Variants in PABPC4L observed in about 807,000 individuals in gnomAD.
PABPC4L encodes the protein poly(A) binding protein cytoplasmic 4 like, also known as polyadenylate-binding protein 4-like.
For missense variants in PABPC4L, 452 were observed against 451.4 expected (o/e 1.00, Z -0.01); for synonymous variants, 169 against 164.1 (o/e 1.03, Z -0.23).
the PABPC4L span, among the ~76,000 whole-genome samples, chr4:134,017,175 G>T: frequency 1.3e-5 from 2 of 152,124 alleles, no homozygotes; most frequent in African/African-American, 4.8e-5. Context: ...TCAGTCTTCA[G>T]GAAAGATAGA....
the PABPC4L span, among the ~76,000 whole-genome samples, chr4:134,056,422 T>G: frequency 6.6e-6 from 1 of 151,944 alleles, no homozygotes; most frequent in Non-Finnish European, 1.5e-5. Flanking sequence ...TATATCAATT[T>G]GAAGACAGTT....
chr4:134,116,857 A>C, the PABPC4L span, among the ~76,000 whole-genome samples: 1 of 151,810 alleles, frequency 6.6e-6, no homozygotes, highest in Non-Finnish European at 1.5e-5. Context: ...ATATAAACTT[A>C]TTTGGCAATC....
At chr4:134,057,993 T>C in the PABPC4L span, among the ~76,000 whole-genome samples, 1 of 151,990 alleles carries the variant, frequency 6.6e-6, no homozygotes, top group Non-Finnish European at 1.5e-5. Flanking sequence ...ATAATCACAA[T>C]CAAATTGTGA....
the PABPC4L span, among the ~76,000 whole-genome samples, chr4:134,166,524 T>G: frequency 6.6e-6 from 1 of 152,254 alleles, no homozygotes; most frequent in Non-Finnish European, 1.5e-5. Context: ...ATGCTCTGCC[T>G]TGGGCACCAT....
chr4:133,967,089 A>G, the PABPC4L span, among the ~76,000 whole-genome samples: 2 of 151,464 alleles, frequency 1.3e-5, no homozygotes, highest in Admixed American at 6.6e-5. Flanking sequence ...GTAAATGGTA[A>G]TGATATTTGA....
chr4:133,996,413 T>C, the PABPC4L span, among the ~76,000 whole-genome samples: 202 of 152,312 alleles, frequency 1.3e-3, 2 homozygotes, highest in African/African-American at 4.5e-3. Context: ...AGCCCCTTAA[T>C]TGAGCCTGCG....
At chr4:133,976,769 A>AT in the PABPC4L span, among the ~76,000 whole-genome samples, 11 of 151,984 alleles carry the variant, frequency 7.2e-5, no homozygotes, top group Non-Finnish European at 1.2e-4. Context: ...CTTTTGAGAA[A>AT]TATCTGTTCA....
the PABPC4L span, among the ~76,000 whole-genome samples, chr4:133,996,741 A>T: frequency 6.6e-6 from 1 of 152,124 alleles, no homozygotes; most frequent in Non-Finnish European, 1.5e-5. Flanking sequence ...CAGGTAGGGG[A>T]CCGCACTGCT....
chr4:134,012,475 C>T, the PABPC4L span, among the ~76,000 whole-genome samples: 1 of 152,184 alleles, frequency 6.6e-6, no homozygotes, highest in African/African-American at 2.4e-5. Flanking sequence ...TTTTCCTTTA[C>T]CTGCCCAAGT....
chr4:133,970,382 C>T, the PABPC4L span, among the ~76,000 whole-genome samples: 1 of 152,078 alleles, frequency 6.6e-6, no homozygotes, highest in African/African-American at 2.4e-5. Flanking sequence ...TAAGCAATCT[C>T]ATCCACAATT....
the PABPC4L span, among the ~76,000 whole-genome samples, chr4:134,174,481 G>A: frequency 2.0e-5 from 3 of 152,226 alleles, no homozygotes; most frequent in African/African-American, 7.2e-5. Flanking sequence ...AGTAAGCCTT[G>A]TGCTATGACC....
At chr4:134,145,617 CAG>C in the PABPC4L span, among the ~76,000 whole-genome samples, 6 of 151,720 alleles carry the variant, frequency 4.0e-5, no homozygotes, top group African/African-American at 1.5e-4. Context: ...TGCTAATAAT[CAG>C]AGAGGTCTCT....
the PABPC4L span, among the ~76,000 whole-genome samples, chr4:134,014,419 A>C: frequency 1.3e-5 from 2 of 152,194 alleles, no homozygotes; most frequent in Admixed American, 1.3e-4. Context: ...GTGTTCCTCC[A>C]GAACTGCCTC....
the PABPC4L span, among the ~76,000 whole-genome samples, chr4:133,954,574 T>A: frequency 1.3e-5 from 2 of 152,090 alleles, no homozygotes; most frequent in Admixed American, 1.3e-4. Flanking sequence ...CAACAGACTA[T>A]ACAGGTGAAT....
chr4:134,002,953 A>T, the PABPC4L span, among the ~76,000 whole-genome samples: 2 of 152,020 alleles, frequency 1.3e-5, no homozygotes, highest in Admixed American at 1.3e-4. Context: ...ACCTCTAAAA[A>T]CTGCAAAACT....
the PABPC4L span, among the ~76,000 whole-genome samples, chr4:134,126,526 C>T: frequency 2.6e-5 from 4 of 152,090 alleles, no homozygotes; most frequent in African/African-American, 4.8e-5. Flanking sequence ...TGGGATACTT[C>T]GTTATCAGAG....
the PABPC4L span, among the ~76,000 whole-genome samples, chr4:134,174,496 T>C: frequency 6.6e-6 from 1 of 152,194 alleles, no homozygotes; most frequent in Non-Finnish European, 1.5e-5. Context: ...ATGACCGCTA[T>C]AACCATGTTA....
chr4:133,986,597 C>T, the PABPC4L span, among the ~76,000 whole-genome samples: 1 of 151,906 alleles, frequency 6.6e-6, no homozygotes, highest in African/African-American at 2.4e-5. Flanking sequence ...TGCAAAACCT[C>T]AACATACTAA....
chr4:134,119,649 A>T, the PABPC4L span, among the ~76,000 whole-genome samples: 1 of 151,640 alleles, frequency 6.6e-6, no homozygotes, highest in Non-Finnish European at 1.5e-5. Flanking sequence ...TACCCTGCAA[A>T]CACACCTGGT....
Sources: allele counts gnomAD v4.1 joint callset (sites outside exome capture counted in the v4.1 genomes callset), GRCh38; gene constraint gnomAD v4.1.1; transcripts MANE v1.5; gene names NCBI Gene and HGNC (gene_info 2026-07-23, HGNC 2026-07-21).